DST: variants seen among roughly 807,000 people sequenced by gnomAD.
DST encodes the protein bullous pemphigoid antigen.
Under a neutral mutation model 875.2 loss-of-function variants are expected in DST, and 253 were observed. The observed-to-expected ratio is 0.29, with a 90% CI of 0.26 to 0.32. The LOEUF is 0.32. Ranked by LOEUF, DST falls within the 10% of genes least tolerant of loss-of-function variation. DST has a pLI of 1.00. For missense variants in DST, 8,287 were observed against 9,111.6 expected, an observed-to-expected ratio of 0.91 and a Z score of 3.68; for synonymous variants, 3,124 against 3,197.1, an observed-to-expected ratio of 0.98 and a Z score of 0.77.
intron 90 of DST, among the ~76,000 whole-genome samples, chr6:56,477,737 C>T (rs1222332947): frequency 6.6e-6 from 1 of 152,016 alleles, no homozygotes; most frequent in East Asian, 1.9e-4. Context: ...TCCAGGATAC[C>T]GTGCATAATA....
intron 78 of DST, among the ~76,000 whole-genome samples, chr6:56,502,764 T>C (rs1352027085): frequency 6.6e-6 from 1 of 152,150 alleles, no homozygotes; most frequent in Non-Finnish European, 1.5e-5. Flanking sequence ...GATAAAATTC[T>C]CAAAAAGAAA....
chr6:56,613,270 A>AC (rs1273566182), intron 37 of DST, among the ~76,000 whole-genome samples: 1 of 152,160 alleles, frequency 6.6e-6, no homozygotes, highest in African/African-American at 2.4e-5. Context: ...CACATCTCCC[A>AC]CATCCCACAT....
chr6:56,497,259 G>T, intron 82 of DST, 120 bp downstream of exon 82: 1 of 1,163,940 alleles, frequency 8.6e-7, no homozygotes, highest in Non-Finnish European at 1.2e-6. Flanking sequence ...TATACACAGT[G>T]ATTTCTGCCA....
intron 2 of DST, among the ~76,000 whole-genome samples, chr6:56,934,716 G>A (rs1812141695): frequency 6.7e-6 from 1 of 150,062 alleles, no homozygotes; most frequent in African/African-American, 2.4e-5. Context: ...ATCTCAGATT[G>A]GCTGCCCTCT....
chr6:56,757,573 C>T (rs987209921), intron 4 of DST, among the ~76,000 whole-genome samples: 9 of 152,186 alleles, frequency 5.9e-5, no homozygotes, highest in African/African-American at 1.9e-4. Flanking sequence ...TAAAACTACA[C>T]CTCCCCAGCC....
intron 4 of DST, among the ~76,000 whole-genome samples, chr6:56,811,587 A>T (rs2099760029): frequency 6.6e-6 from 1 of 152,200 alleles, no homozygotes. Context: ...GAGAAGAAAA[A>T]AACAAAGCTT....
chr6:56,639,136 T>G lies in DST; in HGVS notation c.2964+123A>C, dbSNP rs948714744. 6 of 840,384 alleles carry G rather than the reference T, an allele frequency of 7.1e-6. No individual in the cohort carries two copies. The African/African-American group carries it at 1.0e-4, about 14-fold the overall frequency. The allele number at this position is 840,384 out of a possible 1,614,324, so 52.1% of individuals were successfully genotyped here. On this transcript the variant is annotated intron_variant, in intron 22 of 103. Transcript: ENST00000680361. ...ATCAGTACAATTTGTCAGAAACATTTCTGAGCCAGGTTTTAATAAAAGTTA... is the reference window on the plus strand; with the variant it reads ...ATCAGTACAATTTGTCAGAAACATTGCTGAGCCAGGTTTTAATAAAAGTTA...
intron 23 of DST, among the ~76,000 whole-genome samples, chr6:56,636,080 A>G (rs554325096): frequency 6.6e-6 from 1 of 152,238 alleles, no homozygotes; most frequent in Non-Finnish European, 1.5e-5. Flanking sequence ...TCTCTATATG[A>G]AAACAGTTCC....
chr6:56,854,842 T>C (rs915571320), intron 3 of DST, among the ~76,000 whole-genome samples: 3 of 152,186 alleles, frequency 2.0e-5, no homozygotes, highest in East Asian at 3.8e-4. Context: ...CAGAATAAAG[T>C]ACAAGAGTCA....
chr6:56,493,922 T>G (rs2095833187), intron 83 of DST, 88 bp downstream of exon 83: 3 of 1,049,866 alleles, frequency 2.9e-6, no homozygotes, highest in Non-Finnish European at 3.9e-6. Context: ...AAAGTTCTAC[T>G]CCTGATAGCT....
At chr6:56,919,711 C>T (rs1474447714) in intron 2 of DST, among the ~76,000 whole-genome samples, 1 of 152,130 alleles carries the variant, frequency 6.6e-6, no homozygotes, top group East Asian at 1.9e-4. Context: ...CTTTGGGAGG[C>T]CAAGGCAGGC....
Position 56,536,867 on chromosome 6 carries a change from A to C in DST, c.16682T>G (p.Ile5561Ser), listed in dbSNP as rs770338916. The C allele has an allele frequency of 6.2e-7, 1 of 1,613,758 alleles. No individual in the cohort carries two copies. The highest frequency in any genetic ancestry group is 8.5e-7 in the Non-Finnish European group (1 of 1,179,800). The change falls in exon 62 of 104, where the codon ATT (isoleucine) becomes AGT (serine). Residue 5561 changes from isoleucine to serine, a missense_variant. This residue lies in a region of DST where 777 missense variants were observed against 764.8 expected (regional missense o/e 1.02). Transcript: ENST00000680361. ...QDVNWLGQGL[I>S]QSAAKSTSTQ... ...GCTAGTGCTTTTGGCAGCACTCTGA[A>C]TAAGGCCTTGACCTAACCAGTTTAC...
At chr6:56,482,315 A>C (rs2095429090) in intron 89 of DST, 137 bp from the exon 90 acceptor site, 1 of 977,412 alleles carries the variant, frequency 1.0e-6, no homozygotes, top group Non-Finnish European at 1.4e-6. Context: ...CATTACTCCC[A>C]TTAAGAAGAT....
chr6:56,642,699 A>T, intron 15 of DST, 196 bp from the exon 16 acceptor site: 1 of 1,614,120 alleles, frequency 6.2e-7, no homozygotes, highest in Non-Finnish European at 8.5e-7. Context: ...CCAAGAGAAG[A>T]TTTTCATTTG....
At chr6:56,711,313 G>A (rs2099362419) in intron 5 of DST, among the ~76,000 whole-genome samples, 1 of 152,098 alleles carries the variant, frequency 6.6e-6, no homozygotes, top group Non-Finnish European at 1.5e-5. Context: ...TTTCGCCATG[G>A]TTGCAGTAAC....
At chr6:56,634,318 A>C in intron 26 of DST, 60 bp from the exon 27 acceptor site, 1 of 1,612,062 alleles carries the variant, frequency 6.2e-7, no homozygotes. Flanking sequence ...AACACACTGC[A>C]ATTTTTCTTT....
At chr6:56,739,651 C>A (rs2099539102) in intron 4 of DST, among the ~76,000 whole-genome samples, 1 of 152,166 alleles carries the variant, frequency 6.6e-6, no homozygotes, top group African/African-American at 2.4e-5. Context: ...AAAGACCTTG[C>A]TAATAAAACA....
At chr6:56,803,532 T>G (rs2099749746) in intron 4 of DST, among the ~76,000 whole-genome samples, 1 of 152,188 alleles carries the variant, frequency 6.6e-6, no homozygotes, top group African/African-American at 2.4e-5. Flanking sequence ...TTTGATATAA[T>G]TATCAAACTT....
chr6:56,506,317 G>T, intron 77 of DST, 126 bp downstream of exon 77: 1 of 663,198 alleles, frequency 1.5e-6, no homozygotes, highest in Non-Finnish European at 2.5e-6. Context: ...ACAGGCAACT[G>T]CAGGAATAAT....
Sources: gnomAD v4.1 joint callset for allele counts (sites outside exome capture counted in the v4.1 genomes callset) on GRCh38, gnomAD v4.1.1 for gene constraint, gnomAD v4.1.1 regional missense constraint, MANE v1.5 for transcripts, NCBI Gene and HGNC (gene_info 2026-07-23, HGNC 2026-07-21) for gene names.